Variants in NEMP2 observed in about 807,000 individuals in gnomAD.
The protein encoded by NEMP2 is nuclear envelope integral membrane protein 2.
A neutral mutation model predicts 54.2 loss-of-function variants in NEMP2; 53 were observed. That is an observed-to-expected ratio of 0.98 (90% CI 0.78 to 1.23). The LOEUF (loss-of-function observed/expected upper bound fraction) is 1.23. Ranked by LOEUF, NEMP2 falls within the 50% of genes most tolerant of loss-of-function variation. The pLI is 0.00. For synonymous variants in NEMP2, 197 were observed against 190.3 expected, an observed-to-expected ratio of 1.04 and a Z score of -0.29; for missense variants, 455 against 511.3, an observed-to-expected ratio of 0.89 and a Z score of 1.06.
At chr2:190,423,179 T>C in the NEMP2 span, among the ~76,000 whole-genome samples, 4 of 152,190 alleles carry the variant, frequency 2.6e-5, no homozygotes, top group Non-Finnish European at 5.9e-5. The surrounding 1 kb of genome is among the most constrained non-coding windows in gnomAD (Gnocchi z 4.3). Flanking sequence ...TGCAAAACTA[T>C]AGCATAATAG....
chr2:190,526,640 A>T (rs1031151826), intron 1 of NEMP2, among the ~76,000 whole-genome samples: 2 of 152,224 alleles, frequency 1.3e-5, no homozygotes, highest in African/African-American at 4.8e-5. Context: ...GAAAACAAGA[A>T]GATGATGTAA....
Position 190,529,920 on chromosome 2 carries a change from T to C in NEMP2, c.98-4542A>G, listed in dbSNP as rs114241404. Reference sequence around the variant, plus strand: ...GGAAGCCACAGGCTGCACTTCCCCCTTGCCCTACCCCATGGCCAATACATC... The same window carrying C: ...GGAAGCCACAGGCTGCACTTCCCCCCTGCCCTACCCCATGGCCAATACATC... On this transcript the variant is annotated intron_variant, in intron 1 of 8. Coordinates refer to ENST00000409150, the MANE Select transcript of NEMP2 (RefSeq NM_001142645.2). The surrounding 1 kb of genome is among the most constrained non-coding windows in gnomAD (Gnocchi z 4.7). Among the ~76,000 whole-genome samples the C allele has an allele frequency of 4.2e-3, 634 of 152,290 alleles. 3 individuals carry two copies. The highest frequency in any genetic ancestry group is 0.02 in the Middle Eastern group (6 of 294).
the NEMP2 span, among the ~76,000 whole-genome samples, chr2:190,476,600 T>C: frequency 1.3e-5 from 2 of 152,176 alleles, no homozygotes; most frequent in Admixed American, 1.3e-4. Flanking sequence ...TTTTACACTG[T>C]TGGTGGGACT....
the NEMP2 span, among the ~76,000 whole-genome samples, chr2:190,445,187 C>T: frequency 6.6e-6 from 1 of 152,160 alleles, no homozygotes; most frequent in African/African-American, 2.4e-5. Context: ...GGATACTTAT[C>T]TCATATTAAA....
At chr2:190,590,642 GA>G in the NEMP2 span, among the ~76,000 whole-genome samples, 1 of 152,136 alleles carries the variant, frequency 6.6e-6, no homozygotes, top group Non-Finnish European at 1.5e-5. The surrounding 1 kb of genome is among the most constrained non-coding windows in gnomAD (Gnocchi z 5.1). Context: ...TAATGATTAG[GA>G]GCAAAGAGGT....
the NEMP2 span, chr2:190,437,179 A>G: frequency 6.2e-7 from 1 of 1,614,198 alleles, no homozygotes; most frequent in Non-Finnish European, 8.5e-7. This position sits in a 1 kb window ranked among gnomAD's most constrained non-coding sequence, Gnocchi z 5.9. Context: ...CATGGCCTTG[A>G]TCGTTGCCAC....
chr2:190,463,638 T>C, the NEMP2 span, among the ~76,000 whole-genome samples: 1 of 152,000 alleles, frequency 6.6e-6, no homozygotes, highest in Non-Finnish European at 1.5e-5. The surrounding 1 kb of genome is among the most constrained non-coding windows in gnomAD (Gnocchi z 4.4). Context: ...CTGGGCAACA[T>C]AGTGAGACTT....
downstream of NEMP2, among the ~76,000 whole-genome samples, chr2:190,499,627 G>T (rs1362397766): frequency 3.3e-5 from 5 of 152,196 alleles, no homozygotes; most frequent in Non-Finnish European, 5.9e-5. The surrounding 1 kb of genome is among the most constrained non-coding windows in gnomAD (Gnocchi z 6.0). Context: ...CTGGCTCTTG[G>T]ATTCTGTGGT....
the NEMP2 span, among the ~76,000 whole-genome samples, chr2:190,482,463 G>T: frequency 1.3e-5 from 2 of 150,770 alleles, no homozygotes; most frequent in African/African-American, 2.4e-5. Flanking sequence ...CATGGGAAAG[G>T]TTTGTCACAG....
chr2:190,578,701 T>C, the NEMP2 span, among the ~76,000 whole-genome samples: 1 of 151,534 alleles, frequency 6.6e-6, no homozygotes, highest in East Asian at 1.9e-4. This position sits in a 1 kb window ranked among gnomAD's most constrained non-coding sequence, Gnocchi z 4.4. Flanking sequence ...GTGTGCAGAA[T>C]GTGTGTTAGG....
At chr2:190,632,512 T>C in the NEMP2 span, among the ~76,000 whole-genome samples, 1 of 152,396 alleles carries the variant, frequency 6.6e-6, no homozygotes, top group South Asian at 2.1e-4. This position sits in a 1 kb window ranked among gnomAD's most constrained non-coding sequence, Gnocchi z 4.8. Flanking sequence ...ATAATTTTAT[T>C]TCAGGTCCTC....
At chr2:190,534,526 ACG>A (rs1285710000) in intron 1 of NEMP2, 31 bp downstream of exon 1, 1 of 1,375,914 alleles carries the variant, frequency 7.3e-7, no homozygotes, top group Non-Finnish European at 9.3e-7. Context: ...GCGAGCACGC[ACG>A]CGCGCGCCGC....
At chr2:190,479,078 A>G in the NEMP2 span, among the ~76,000 whole-genome samples, 2 of 152,142 alleles carry the variant, frequency 1.3e-5, no homozygotes, top group East Asian at 1.9e-4. Context: ...CTCTCAGGCC[A>G]TGTTCATAAT....
the NEMP2 span, among the ~76,000 whole-genome samples, chr2:190,495,273 T>G: frequency 6.6e-6 from 1 of 152,054 alleles, no homozygotes; most frequent in African/African-American, 2.4e-5. This position sits in a 1 kb window ranked among gnomAD's most constrained non-coding sequence, Gnocchi z 4.7. Context: ...ATAAAGTATT[T>G]AGGAATACAC....
chr2:190,427,082 G>A, the NEMP2 span, among the ~76,000 whole-genome samples: 1 of 152,216 alleles, frequency 6.6e-6, no homozygotes, highest in African/African-American at 2.4e-5. Context: ...CCTCCTTACT[G>A]CTGGCCAGTG....
the NEMP2 span, among the ~76,000 whole-genome samples, chr2:190,645,469 T>C: frequency 0.015 from 2,239 of 152,278 alleles, 82 homozygotes; most frequent in East Asian, 0.053. Context: ...TTATTGAAAA[T>C]GTTATATATT....
At chr2:190,545,453 C>T in the NEMP2 span, among the ~76,000 whole-genome samples, 1 of 152,230 alleles carries the variant, frequency 6.6e-6, no homozygotes, top group African/African-American at 2.4e-5. Flanking sequence ...AGGAAACCTA[C>T]AAACAGCAGA....
At chr2:190,601,958 C>T in the NEMP2 span, among the ~76,000 whole-genome samples, 3 of 152,112 alleles carry the variant, frequency 2.0e-5, no homozygotes, top group Admixed American at 6.5e-5. The surrounding 1 kb of genome is among the most constrained non-coding windows in gnomAD (Gnocchi z 5.8). Flanking sequence ...CCACTTACAC[C>T]GAGGACTGTT....
the NEMP2 span, among the ~76,000 whole-genome samples, chr2:190,633,896 C>A: frequency 2.6e-5 from 4 of 152,112 alleles, no homozygotes; most frequent in African/African-American, 9.7e-5. Context: ...CAAAGCAAGA[C>A]CCTGTCTCCA....
Sources: allele counts gnomAD v4.1 joint callset (sites outside exome capture counted in the v4.1 genomes callset), GRCh38; gene constraint gnomAD v4.1.1; non-coding constraint Gnocchi (gnomAD v3.1); transcripts MANE v1.5; gene names NCBI Gene and HGNC (gene_info 2026-07-23, HGNC 2026-07-21).